ARPC3: variants seen among roughly 807,000 people sequenced by gnomAD.
ARPC3 encodes the protein actin related protein 2/3 complex subunit 3.
ARPC3 carries 12 observed loss-of-function variants against 27.6 expected under a neutral mutation model. The ratio of observed to expected loss-of-function variants is 0.43; its 90% CI spans 0.28 to 0.70. ARPC3 has a LOEUF of 0.70. Ranked by LOEUF, ARPC3 falls within the 30% of genes least tolerant of loss-of-function variation. The probability of loss-of-function intolerance (pLI) is 0.17; values close to 1 mark genes in which losing one functional copy is unlikely to be tolerated. For missense variants in ARPC3, 153 were observed against 207.7 expected (o/e 0.74, Z 1.62); for synonymous variants, 53 against 67.2 (o/e 0.79, Z 1.03).
intron 1 of ARPC3, among the ~76,000 whole-genome samples, chr12:110,446,947 G>A (rs1383653978): frequency 1.3e-5 from 2 of 152,140 alleles, no homozygotes; most frequent in Non-Finnish European, 2.9e-5. Flanking sequence ...TATTGTCTAT[G>A]TTCTTAAGGT....
chr12:110,450,086 C>A (rs953617874), intron 1 of ARPC3, among the ~76,000 whole-genome samples, 169 bp downstream of exon 1: 4 of 152,178 alleles, frequency 2.6e-5, no homozygotes. Context: ...ACTGGCACCC[C>A]CGGGCCGCCC....
At chr12:110,449,288 C>A (rs1414931199) in intron 1 of ARPC3, among the ~76,000 whole-genome samples, 1 of 151,940 alleles carries the variant, frequency 6.6e-6, no homozygotes, top group East Asian at 1.9e-4. Flanking sequence ...GCAGGCTGGG[C>A]GCGATGGCTC....
chr12:110,445,664 G>C (rs1213278628), intron 1 of ARPC3, 113 bp from the exon 2 acceptor site: 2 of 788,586 alleles, frequency 2.5e-6, no homozygotes, highest in African/African-American at 3.4e-5. Context: ...ATTAATTAGG[G>C]GAGGGAGAAG....
At chr12:110,447,001 C>A (rs1353255983) in intron 1 of ARPC3, among the ~76,000 whole-genome samples, 4 of 152,196 alleles carry the variant, frequency 2.6e-5, no homozygotes, top group Non-Finnish European at 5.9e-5. Flanking sequence ...CTGTGCATCT[C>A]TTCCAATTCT....
chr12:110,441,510 A>C (rs551548253), intron 2 of ARPC3, among the ~76,000 whole-genome samples: 1 of 152,166 alleles, frequency 6.6e-6, no homozygotes, highest in Non-Finnish European at 1.5e-5. Context: ...ATACATGCTC[A>C]TTAGAAAATG....
intron 2 of ARPC3, among the ~76,000 whole-genome samples, chr12:110,441,574 G>A (rs533998731): frequency 3.9e-4 from 59 of 151,894 alleles, no homozygotes; most frequent in African/African-American, 1.2e-3. Context: ...TCTGTTACCC[G>A]GGCTGGAGTG....
chr12:110,439,706 T>C (rs1390400177), intron 3 of ARPC3, among the ~76,000 whole-genome samples: 1 of 152,140 alleles, frequency 6.6e-6, no homozygotes. Flanking sequence ...TGGTGGTGCA[T>C]GCCTGTAGTT....
At chr12:110,435,714 C>T (rs1020680630) in intron 6 of ARPC3, among the ~76,000 whole-genome samples, 1 of 152,008 alleles carries the variant, frequency 6.6e-6, no homozygotes, top group African/African-American at 2.4e-5. Flanking sequence ...ACCTCCACTT[C>T]CTGGGTTCAA....
At chr12:110,437,300 C>T (rs1297204191) in intron 3 of ARPC3, 148 bp from the exon 4 acceptor site, 7 of 666,520 alleles carry the variant, frequency 1.1e-5, no homozygotes, top group Non-Finnish European at 1.6e-5. Context: ...TCTCCAAATG[C>T]ACAGTCTCCT....
chr12:110,444,742 G>C (rs1046930290), intron 2 of ARPC3: 8 of 152,200 alleles, frequency 5.3e-5, no homozygotes, highest in African/African-American at 1.9e-4. Context: ...TTTAAAAAAG[G>C]TCAAGTCAAA....
intron 2 of ARPC3, chr12:110,445,233 A>G: frequency 1.9e-6 from 1 of 532,048 alleles, no homozygotes; most frequent in East Asian, 3.3e-5. Flanking sequence ...CCATTTTCTC[A>G]AAAGAGTTTC....
At chr12:110,440,151 G>T (rs376614677) in intron 3 of ARPC3, among the ~76,000 whole-genome samples, 161 bp downstream of exon 3, 2 of 152,060 alleles carry the variant, frequency 1.3e-5, no homozygotes, top group Non-Finnish European at 2.9e-5. Flanking sequence ...GAAAAAAAAA[G>T]AAACTAATAT....
intron 2 of ARPC3, 40 bp from the exon 3 acceptor site, chr12:110,440,428 C>G: frequency 7.3e-7 from 1 of 1,375,276 alleles, no homozygotes; most frequent in Non-Finnish European, 1.0e-6. Flanking sequence ...AGAACATTAG[C>G]CAAATACAAA....
intron 6 of ARPC3, 148 bp downstream of exon 6, chr12:110,435,962 A>G (rs2062401738): frequency 1.3e-6 from 1 of 756,416 alleles, no homozygotes. Context: ...GTGAACTCAT[A>G]TTACATACTA....
chr12:110,445,893 C>G (rs1423762275), intron 1 of ARPC3, among the ~76,000 whole-genome samples: 1 of 152,044 alleles, frequency 6.6e-6, no homozygotes, highest in Non-Finnish European at 1.5e-5. Context: ...TGCCTGAGCT[C>G]AGGAGTTTGC....
intron 1 of ARPC3, among the ~76,000 whole-genome samples, chr12:110,446,297 A>ATT (rs1336985095): frequency 5.0e-4 from 65 of 128,804 alleles, no homozygotes; most frequent in African/African-American, 1.3e-3. Context: ...CTACTTCCTA[A>ATT]TTTTTTTTTT....
At chr12:110,436,707 TATATAC>T (rs749948346) in intron 4 of ARPC3, 24 bp from the exon 5 acceptor site, 28,518 of 807,846 alleles carry the variant, frequency 0.035, 431 homozygotes, top group Non-Finnish European at 0.042. Flanking sequence ...TATATATATA[TATATAC>T]ACACACACAC....
At position 110,445,534 on chromosome 12, in the gene ARPC3, G is replaced by C; in HGVS notation, c.24C>G (p.Leu8=). The change falls in exon 2 of 7, where the codon CTC becomes CTG. Residue 8 remains leucine (L), a synonymous_variant. Coordinates refer to ENST00000228825, the MANE Select transcript of ARPC3 (RefSeq NM_001278556.2). MPAYHSS[L]MDPDTKLIGN... is the part of the protein sequence containing the mutation. The stretch of plus-strand genomic sequence containing the variant: ...CGATGAGTTTGGTATCAGGATCCAT[G>C]AGAGAAGAGTGGTAAGCCTGTAATG... 6.2e-7 allele frequency: 1 copy of C among 1,613,084 alleles called. No homozygotes were observed.
intron 2 of ARPC3, 60 bp from the exon 3 acceptor site, chr12:110,440,448 C>A (rs2062429022): frequency 8.8e-7 from 1 of 1,139,934 alleles, no homozygotes; most frequent in Non-Finnish European, 1.3e-6. Flanking sequence ...AACATAACAA[C>A]TATCAAAGCC....
Sources: allele counts gnomAD v4.1 joint callset (sites outside exome capture counted in the v4.1 genomes callset), GRCh38; gene constraint gnomAD v4.1.1; transcripts MANE v1.5; gene names NCBI Gene and HGNC (gene_info 2026-07-23, HGNC 2026-07-21).